The following FAM135B variants were observed in gnomAD, a reference collection of about 807,000 sequenced individuals.
FAM135B encodes family with sequence similarity 135 member B.
A neutral mutation model predicts 127.7 loss-of-function variants in FAM135B; 43 were observed. The observed-to-expected ratio is 0.34, with a 90% CI of 0.26 to 0.43. The LOEUF (loss-of-function observed/expected upper bound fraction) is 0.43, where lower values mean the gene tolerates loss of function less well. Among genes scored for constraint, FAM135B ranks in the 20% least tolerant of loss-of-function variants. FAM135B has a pLI of 1.00. For missense variants in FAM135B, 1,558 were observed against 1,725.6 expected (o/e 0.90, Z 1.72); for synonymous variants, 670 against 665.1 (o/e 1.01, Z -0.11).
At chr8:138,305,783 G>A (rs1033450403) in intron 3 of FAM135B, among the ~76,000 whole-genome samples, 1 of 152,054 alleles carries the variant, frequency 6.6e-6, no homozygotes, top group Admixed American at 6.5e-5. Context: ...TGACTGACAA[G>A]TATAATAAGT....
At chr8:138,263,187 G>A (rs112131253) in intron 4 of FAM135B, among the ~76,000 whole-genome samples, 11 of 152,280 alleles carry the variant, frequency 7.2e-5, no homozygotes, top group South Asian at 4.1e-4. Flanking sequence ...TTTCTCCGGT[G>A]TAAATGTTTT....
At chr8:138,179,069 G>A (rs4455890) in intron 9 of FAM135B, among the ~76,000 whole-genome samples, 59,879 of 151,942 alleles carry the variant, frequency 0.39, 12,534 homozygotes, top group African/African-American at 0.54. Flanking sequence ...CACCTTGAAT[G>A]TTTTCCCTCG....
At position 138,462,555 on chromosome 8, in the gene FAM135B, C is replaced by A. The variant is rs577537709; in HGVS notation, c.-20+34116G>T. Among the ~76,000 whole-genome samples, 10 of 152,220 alleles carry A rather than the reference C, an allele frequency of 6.6e-5. 1 individual carries two copies. In the South Asian group the frequency reaches 1.7e-3, roughly 25 times the overall value. On this transcript the variant is annotated intron_variant, in intron 1 of 19. Coordinates refer to ENST00000395297, the MANE Select transcript of FAM135B (RefSeq NM_015912.4). ...GGTCCTAGAATGCTACCTGGAGTCACTGGGGAGAGGAGGGCAGGGTAAATG... is the reference window on the plus strand; with the variant it reads ...GGTCCTAGAATGCTACCTGGAGTCAATGGGGAGAGGAGGGCAGGGTAAATG...
At chr8:138,306,982 G>A (rs1186199892) in intron 3 of FAM135B, among the ~76,000 whole-genome samples, 2 of 152,108 alleles carry the variant, frequency 1.3e-5, no homozygotes, top group Non-Finnish European at 2.9e-5. Context: ...AGCCATTCCT[G>A]TATCCCACTC....
chr8:138,261,396 T>C (rs1301838581), intron 4 of FAM135B, among the ~76,000 whole-genome samples: 6 of 152,226 alleles, frequency 3.9e-5, no homozygotes, highest in African/African-American at 7.2e-5. Flanking sequence ...TTGTTAATAA[T>C]TGTATCTTCT....
At chr8:138,199,541 A>G (rs937271927) in intron 7 of FAM135B, among the ~76,000 whole-genome samples, 2 of 152,198 alleles carry the variant, frequency 1.3e-5, no homozygotes, top group African/African-American at 4.8e-5. Flanking sequence ...CTCTGTACCC[A>G]TTCACTGGTC....
intron 8 of FAM135B, 56 bp downstream of exon 8, chr8:138,197,460 T>A (rs1235027072): frequency 9.5e-6 from 15 of 1,577,970 alleles, no homozygotes; most frequent in Non-Finnish European, 1.3e-5. Flanking sequence ...CCATCCCTTG[T>A]GTGGAGGAGG....
chr8:138,137,688 C>T (rs1375010200), intron 18 of FAM135B, among the ~76,000 whole-genome samples: 3 of 152,150 alleles, frequency 2.0e-5, no homozygotes, highest in Admixed American at 6.5e-5. Flanking sequence ...TCCTCAACTC[C>T]AGCACCTCTC....
chr8:138,186,544 T>C (rs16908508), intron 9 of FAM135B, among the ~76,000 whole-genome samples: 9 of 151,968 alleles, frequency 5.9e-5, no homozygotes, highest in African/African-American at 1.9e-4. Flanking sequence ...AAGCGGGTGT[T>C]GTTTCTTCCA....
intron 9 of FAM135B, among the ~76,000 whole-genome samples, chr8:138,182,099 A>T (rs1229073382): frequency 6.6e-6 from 1 of 152,202 alleles, no homozygotes; most frequent in Non-Finnish European, 1.5e-5. Flanking sequence ...CTGCCACCAC[A>T]GTGGCACCGG....
rs141036169 is a variant in FAM135B at position 138,243,401 on chromosome 8, G to A, written c.543-333C>T. Among the ~76,000 whole-genome samples, 150 of 152,244 alleles carry A rather than the reference G, an allele frequency of 9.9e-4. 1 individual carries two copies. Among genetic ancestry groups the A allele is most frequent in the Non-Finnish European group, 1.7e-3 (117 of 68,010 alleles). ...TAGAGGGGAAGGTGGCATGGGCTCC[G>A]AAAATTTCAGGGGCAACTCTGACCA... On this transcript the variant is annotated intron_variant, in intron 6 of 19. Coordinates refer to ENST00000395297, the MANE Select transcript of FAM135B (RefSeq NM_015912.4). This position sits in a 1 kb window ranked among gnomAD's most constrained non-coding sequence, Gnocchi z 7.5.
intron 7 of FAM135B, among the ~76,000 whole-genome samples, chr8:138,218,706 C>T (rs1334502433): frequency 1.3e-5 from 2 of 151,660 alleles, no homozygotes; most frequent in African/African-American, 4.9e-5. Flanking sequence ...TTGCTACAGG[C>T]CACTCTAGAG....
At chr8:138,427,061 C>T (rs1386382483) in intron 1 of FAM135B, among the ~76,000 whole-genome samples, 1 of 151,832 alleles carries the variant, frequency 6.6e-6, no homozygotes, top group East Asian at 1.9e-4. Flanking sequence ...TATATACTGT[C>T]TGATCCTGTT....
At chr8:138,175,954 G>A (rs912399037) in intron 11 of FAM135B, among the ~76,000 whole-genome samples, 4 of 152,154 alleles carry the variant, frequency 2.6e-5, no homozygotes, top group African/African-American at 7.2e-5. Context: ...GGCTAGCTCC[G>A]TGTGTTCCAT....
chr8:138,312,004 T>G (rs1430192040), intron 2 of FAM135B, among the ~76,000 whole-genome samples: 1 of 152,146 alleles, frequency 6.6e-6, no homozygotes, highest in Non-Finnish European at 1.5e-5. Context: ...AGGCATATAG[T>G]GGTATGATCT....
chr8:138,335,602 T>C (rs972019942), intron 2 of FAM135B, among the ~76,000 whole-genome samples: 6 of 152,116 alleles, frequency 3.9e-5, no homozygotes, highest in East Asian at 1.9e-4. Context: ...CCCAGATTCA[T>C]AAAGCAAGTA....
intron 1 of FAM135B, among the ~76,000 whole-genome samples, chr8:138,397,132 A>C (rs1400122339): frequency 1.3e-5 from 2 of 152,162 alleles, no homozygotes; most frequent in Non-Finnish European, 2.9e-5. Flanking sequence ...GCTTTAGTAG[A>C]TTCAGGTATC....
chr8:138,346,184 C>T (rs922560773), intron 2 of FAM135B, among the ~76,000 whole-genome samples: 2 of 152,148 alleles, frequency 1.3e-5, no homozygotes, highest in African/African-American at 4.8e-5. Context: ...TAAAAAGGAA[C>T]ACTTTTACAC....
chr8:138,217,818 T>G (rs561198707), intron 7 of FAM135B, among the ~76,000 whole-genome samples: 1 of 152,282 alleles, frequency 6.6e-6, no homozygotes, highest in East Asian at 1.9e-4. Flanking sequence ...AACTACCTGG[T>G]CCTTTCCTTC....
Sources: gnomAD v4.1 joint callset for allele counts (sites outside exome capture counted in the v4.1 genomes callset) on GRCh38, gnomAD v4.1.1 for gene constraint, Gnocchi (gnomAD v3.1) non-coding constraint, MANE v1.5 for transcripts, NCBI Gene and HGNC (gene_info 2026-07-23, HGNC 2026-07-21) for gene names.